The following DOCK5 variants were observed in gnomAD, a reference collection of about 807,000 sequenced individuals.
The protein encoded by DOCK5 is dedicator of cytokinesis protein 5.
A neutral mutation model predicts 251.8 loss-of-function variants in DOCK5; 142 were observed. The observed-to-expected ratio is 0.56, with a 90% CI of 0.49 to 0.65. The LOEUF is 0.65. DOCK5 is among the 30% of genes least tolerant of loss of function. The pLI is 0.00. For missense variants in DOCK5, 2,111 were observed against 2,312.3 expected (o/e 0.91, Z 1.79); for synonymous variants, 842 against 835.5 (o/e 1.01, Z -0.13).
At position 25,233,757 on chromosome 8, in the gene DOCK5, T is replaced by A. The variant is rs578104903; in HGVS notation, c.44-9917T>A. On this transcript the variant is annotated intron_variant, in intron 1 of 51. Transcript: ENST00000276440. ...AGATATTTTTTAGTGCTTCACTTTT[T>A]AAAAAATTTTGTTTTATTTTTAATT... is the stretch of plus-strand genomic sequence containing the variant. Among the ~76,000 whole-genome samples, 10 of 149,302 alleles carry A rather than the reference T, an allele frequency of 6.7e-5. No homozygotes were observed. In the South Asian group the frequency reaches 1.7e-3, roughly 25 times the overall value.
intron 11 of DOCK5, among the ~76,000 whole-genome samples, chr8:25,306,699 A>G (rs575336483): frequency 6.6e-6 from 1 of 151,466 alleles, no homozygotes; most frequent in Non-Finnish European, 1.5e-5. Context: ...GTCTGAAAAA[A>G]AAATAAATAA....
intron 6 of DOCK5, 113 bp downstream of exon 6, chr8:25,292,285 C>G (rs1804512865): frequency 8.4e-7 from 1 of 1,187,332 alleles, no homozygotes; most frequent in South Asian, 1.7e-5. Context: ...AAGAATAATG[C>G]TTACTGCTCT....
rs750056150 is a variant in DOCK5, at chr8:25,332,555, G to A, written c.2002-48G>A. The A allele has an allele frequency of 7.4e-6, 11 of 1,494,280 alleles. No homozygotes were observed. In the East Asian group the frequency reaches 2.1e-4, roughly 28 times the overall value. 92.6% of individuals were successfully genotyped at this position (1,494,280 alleles called of 1,614,324 possible). A position where few individuals can be genotyped will look rare whatever the true frequency, so the allele number is the denominator to read the frequency against. ...TTGTACCCAGATTTCTGTGGTGTGGGGCTGAATGAAAGCATCAAAATAACC... is the reference window on the plus strand; with the variant it reads ...TTGTACCCAGATTTCTGTGGTGTGGAGCTGAATGAAAGCATCAAAATAACC... On this transcript the variant is annotated intron_variant, in intron 19 of 51. Transcript: ENST00000276440.
chr8:25,415,377 G>A lies in DOCK5; in HGVS notation c.*4079G>A, dbSNP rs1393093071. On this transcript the variant is annotated 3_prime_UTR_variant, in exon 52 of 52. Transcript: ENST00000276440. ...ATACCTTCATTCAGTGATATATCTG[G>A]CTTTTACAATTAAATTGGAAAAGGT... The A allele has an allele frequency of 6.6e-6, 1 of 152,112 alleles. No homozygotes were observed. Among genetic ancestry groups the A allele is most frequent in the African/African-American group, 2.4e-5 (1 of 41,416 alleles). The allele number at this position is 152,112 out of a possible 1,614,324, so 9.4% of individuals were successfully genotyped here.
At chr8:25,407,238 C>G (rs1201036716) in intron 48 of DOCK5, among the ~76,000 whole-genome samples, 4 of 151,802 alleles carry the variant, frequency 2.6e-5, no homozygotes, top group Middle Eastern at 3.2e-3. Flanking sequence ...TTCTAGATTA[C>G]TTCTAGAATC....
At chr8:25,319,788 G>A (rs1805371650) in intron 15 of DOCK5, 112 bp downstream of exon 15, 1 of 700,856 alleles carries the variant, frequency 1.4e-6, no homozygotes, top group Non-Finnish European at 2.4e-6. Context: ...TAGATAAGTT[G>A]CCTATGGTGT....
Position 25,368,630 on chromosome 8 carries a change from AC to A in DOCK5, c.3347del (p.Pro1116LeufsTer3). On this transcript the variant is annotated frameshift_variant, in exon 33 of 52. Transcript: ENST00000276440. LOFTEE classifies it high-confidence loss of function. The part of the protein sequence containing the change: ...MVGPILEVTL[T>X]PEVELRKATI... ...GGGTCCCATTCTGGAGGTCACTCTG[AC>A]CCCTGAAGTAGAGCTCCGGAAAGCC... 1 of 1,613,766 alleles carries A rather than the reference AC, an allele frequency of 6.2e-7. No individual in the cohort carries two copies. Among genetic ancestry groups the A allele is most frequent in the Non-Finnish European group, 8.5e-7 (1 of 1,179,814 alleles).
intron 23 of DOCK5, 95 bp from the exon 24 acceptor site, chr8:25,341,644 G>T: frequency 9.5e-7 from 1 of 1,053,176 alleles, no homozygotes; most frequent in Non-Finnish European, 1.4e-6. Flanking sequence ...CCCTATATAA[G>T]TTCCAAGCAC....
chr8:25,184,944 C>T lies in DOCK5; in HGVS notation c.36C>T (p.Tyr12=), dbSNP rs2117425731. 1 of 1,439,954 alleles carries T rather than the reference C, an allele frequency of 6.9e-7. No individual in the cohort carries two copies. The highest frequency in any genetic ancestry group is 2.8e-5 in the East Asian group (1 of 36,068). 89.2% of individuals were successfully genotyped at this position (1,439,954 alleles called of 1,614,324 possible). A position where few individuals can be genotyped will look rare whatever the true frequency, so the allele number is the denominator to read the frequency against. ...ARWIPTKRQK[Y]GVAIYNYNAS... ...GGATCCCGACCAAGAGGCAGAAGTA[C>T]GGGGTTGGTGAGTGCGCGCCCCACC... The change falls in exon 1 of 52, where the codon TAC becomes TAT. Residue 12 remains tyrosine (Y), a synonymous_variant. Coordinates refer to ENST00000276440, the MANE Select transcript of DOCK5 (RefSeq NM_024940.8).
chr8:25,338,721 C>T (rs1319563058), intron 22 of DOCK5, among the ~76,000 whole-genome samples: 4 of 152,208 alleles, frequency 2.6e-5, no homozygotes, highest in Non-Finnish European at 5.9e-5. Flanking sequence ...ATGGAGTGTT[C>T]GACCAAGGGA....
intron 2 of DOCK5, among the ~76,000 whole-genome samples, chr8:25,258,878 G>T (rs1803492866): frequency 6.6e-6 from 1 of 152,166 alleles, no homozygotes; most frequent in African/African-American, 2.4e-5. Flanking sequence ...CAGCACTTTG[G>T]GAGGCTGAGG....
At chr8:25,311,468 G>A (rs956750255) in intron 13 of DOCK5, among the ~76,000 whole-genome samples, 4 of 150,880 alleles carry the variant, frequency 2.7e-5, no homozygotes, top group East Asian at 3.9e-4. Flanking sequence ...GCTGAAAACC[G>A]GAAGGTGGAG....
chr8:25,273,076 T>C (rs1232074588), intron 3 of DOCK5, among the ~76,000 whole-genome samples: 2 of 151,676 alleles, frequency 1.3e-5, no homozygotes, highest in Non-Finnish European at 2.9e-5. Context: ...CGTGGCGCAG[T>C]GGCACAGTGG....
intron 1 of DOCK5, among the ~76,000 whole-genome samples, chr8:25,186,190 T>C (rs1430120418): frequency 6.6e-6 from 1 of 152,080 alleles, no homozygotes; most frequent in Non-Finnish European, 1.5e-5. Flanking sequence ...ATTTACTATA[T>C]TATTCTTAGG....
At chr8:25,319,786 T>A in intron 15 of DOCK5, 110 bp downstream of exon 15, 1 of 715,054 alleles carries the variant, frequency 1.4e-6, no homozygotes, top group Non-Finnish European at 2.3e-6. Flanking sequence ...TTTAGATAAG[T>A]TGCCTATGGT....
At position 25,187,329 on chromosome 8, in the gene DOCK5, GTA is replaced by G. The variant is rs548168906; in HGVS notation, c.43+2388_43+2389del. Among the ~76,000 whole-genome samples, 307 of 146,394 alleles carry G rather than the reference GTA, an allele frequency of 2.1e-3. 1 individual carries two copies. Among genetic ancestry groups the G allele is most frequent in the Middle Eastern group, 3.6e-3 (1 of 280 alleles). Reference sequence around the variant, plus strand: ...TATATATGCGTATATGTGTGTGTGTGTATATATATATGTATATGGAAATATGG... The same window carrying G: ...TATATATGCGTATATGTGTGTGTGTGTATATATATGTATATGGAAATATGG... On this transcript the variant is annotated intron_variant, in intron 1 of 51. Coordinates refer to ENST00000276440, the MANE Select transcript of DOCK5 (RefSeq NM_024940.8).
At position 25,184,871 on chromosome 8, in the gene DOCK5, A is replaced by C; in HGVS notation, c.-38A>C. ...CGGCCGGAGCCCGAGGAGCTGTAGC[A>C]GCCTTAGTCGCCGCCGCCGCGGGGC... is the stretch of plus-strand genomic sequence containing the variant. On this transcript the variant is annotated 5_prime_UTR_variant, in exon 1 of 52. Coordinates refer to ENST00000276440, the MANE Select transcript of DOCK5 (RefSeq NM_024940.8). The C allele has an allele frequency of 7.5e-7, 1 of 1,342,000 alleles. No individual in the cohort carries two copies. Among genetic ancestry groups the C allele is most frequent in the Non-Finnish European group, 9.6e-7 (1 of 1,041,054 alleles). 83.1% of individuals were successfully genotyped at this position (1,342,000 alleles called of 1,614,324 possible).
At chr8:25,359,105 ATTTGGTTT>A in intron 28 of DOCK5, 44 bp downstream of exon 28, 3 of 1,548,340 alleles carry the variant, frequency 1.9e-6, no homozygotes, top group Admixed American at 3.3e-5. Flanking sequence ...GACTTCTTAA[ATTTGGTTT>A]AAAAAAATGA....
chr8:25,205,237 C>T (rs1395063561), intron 1 of DOCK5, among the ~76,000 whole-genome samples: 1 of 151,914 alleles, frequency 6.6e-6, no homozygotes, highest in East Asian at 1.9e-4. Flanking sequence ...CTCTCTCGCT[C>T]TTGCTGTCTC....
Sources: gnomAD v4.1 joint callset for allele counts (sites outside exome capture counted in the v4.1 genomes callset) on GRCh38, gnomAD v4.1.1 for gene constraint, MANE v1.5 for transcripts, NCBI Gene and HGNC (gene_info 2026-07-23, HGNC 2026-07-21) for gene names.